Variants in SQSTM1 observed in about 807,000 individuals in gnomAD.
SQSTM1 encodes sequestosome-1.
In SQSTM1, 36 loss-of-function variants were observed where a neutral mutation model predicts 45.1. The observed-to-expected ratio is 0.80, with a 90% CI of 0.61 to 1.05. The LOEUF is 1.05. SQSTM1 is among the 50% of genes least tolerant of loss of function. The pLI is 0.00. For missense variants in SQSTM1, 617 were observed against 607.1 expected (o/e 1.02, Z -0.17); for synonymous variants, 290 against 244.3 (o/e 1.19, Z -1.74).
In SQSTM1 at chr5:179,806,562, A is replaced by G; in HGVS notation, c.-186A>G. 7.6e-7 allele frequency: 1 copy of G among 1,308,046 alleles called. No homozygotes were observed. The highest frequency in any genetic ancestry group is 1.0e-6 in the Non-Finnish European group (1 of 1,001,590). The allele number at this position is 1,308,046 out of a possible 1,614,324, so 81.0% of individuals were successfully genotyped here. A position where few individuals can be genotyped will look rare whatever the true frequency, so the allele number is the denominator to read the frequency against. Reference sequence around the variant, plus strand: ...AGGCAGAAGAGCAGCAGCGTCAGGAAGGTGCCATTGCGGAGCCTCATCTCC... The same window carrying G: ...AGGCAGAAGAGCAGCAGCGTCAGGAGGGTGCCATTGCGGAGCCTCATCTCC... On this transcript the variant is annotated 5_prime_UTR_variant, in exon 1 of 6. Transcript: ENST00000514093. This position sits in a 1 kb window ranked among gnomAD's most constrained non-coding sequence, Gnocchi z 4.6.
intron 2 of SQSTM1, 160 bp from the exon 3 acceptor site, chr5:179,823,698 G>A: frequency 2.8e-6 from 2 of 718,758 alleles, no homozygotes; most frequent in Non-Finnish European, 4.6e-6. Context: ...CAGGTTCTTG[G>A]TGGCTCTGCT....
chr5:179,838,049 G>A lies in SQSTM1; in HGVS notation c.*1456G>A. The A allele has an allele frequency of 4.7e-6, 3 of 638,606 alleles. No homozygotes were observed. Among genetic ancestry groups the A allele is most frequent in the Non-Finnish European group, 5.4e-6 (2 of 372,764 alleles). The allele number at this position is 638,606 out of a possible 1,614,324, so 39.6% of individuals were successfully genotyped here. A position where few individuals can be genotyped will look rare whatever the true frequency, so the allele number is the denominator to read the frequency against. ...TGATTTTGAGGGTTAGCAAGACAAA[G>A]CAAATAAATGCCTTCCACCTCACCG... On this transcript the variant is annotated 3_prime_UTR_variant, in exon 8 of 8. Coordinates refer to ENST00000389805, the MANE Select transcript of SQSTM1 (RefSeq NM_003900.5).
chr5:179,836,100 A>G (rs1758540647), intron 7 of SQSTM1: 1 of 437,884 alleles, frequency 2.3e-6, no homozygotes, highest in Non-Finnish European at 4.2e-6. Context: ...CATCTCTTGC[A>G]TGGAGGAGTG....
intron 7 of SQSTM1, chr5:179,835,777 C>T (rs961148335): frequency 6.2e-6 from 1 of 161,874 alleles, no homozygotes; most frequent in African/African-American, 2.4e-5. Context: ...GGTATCCATT[C>T]CTGAATTACT....
intron 1 of SQSTM1, among the ~76,000 whole-genome samples, chr5:179,809,680 C>T (rs1211533462): frequency 1.5e-5 from 2 of 131,974 alleles, no homozygotes; most frequent in African/African-American, 5.8e-5. Context: ...GTCTTGCTCC[C>T]TGGCCCAGGC....
upstream of SQSTM1, among the ~76,000 whole-genome samples, chr5:179,816,299 C>T (rs1407734217): frequency 6.6e-6 from 1 of 152,188 alleles, no homozygotes; most frequent in African/African-American, 2.4e-5. Flanking sequence ...CAGGCACCTG[C>T]CGCCACGCCC....
At chr5:179,827,130 T>A (rs1758027052) in intron 5 of SQSTM1, among the ~76,000 whole-genome samples, 1 of 152,136 alleles carries the variant, frequency 6.6e-6, no homozygotes, top group Non-Finnish European at 1.5e-5. Context: ...TCCCCAGACC[T>A]TACCTTTTTT....
chr5:179,825,932 G>T (rs1316303252), intron 5 of SQSTM1, among the ~76,000 whole-genome samples: 1 of 152,216 alleles, frequency 6.6e-6, no homozygotes, highest in Non-Finnish European at 1.5e-5. Flanking sequence ...CCAACTTCTA[G>T]TTCAAGATGA....
In SQSTM1 at chr5:179,836,980, A is replaced by G. The variant is rs188873621; in HGVS notation, c.*387A>G. On this transcript the variant is annotated 3_prime_UTR_variant, in exon 8 of 8. Coordinates refer to ENST00000389805, the MANE Select transcript of SQSTM1 (RefSeq NM_003900.5). ...GACATTTAGTTGATTATTTTCTGCT[A>G]CAGACCTGGTACACTCTGATTTTAG... is the stretch of plus-strand genomic sequence containing the variant. 65 of 608,780 alleles carry G rather than the reference A, an allele frequency of 1.1e-4. 1 individual carries two copies. The East Asian group carries it at 1.5e-3, about 14-fold the overall frequency. The allele number at this position is 608,780 out of a possible 1,614,324, so 37.7% of individuals were successfully genotyped here.
At chr5:179,836,288 T>C (rs1211492935) in intron 7 of SQSTM1, 148 bp from the exon 8 acceptor site, 9 of 1,015,656 alleles carry the variant, frequency 8.9e-6, no homozygotes, top group Non-Finnish European at 1.4e-5. Flanking sequence ...GGAAAGCAGG[T>C]CCACTGTGGC....
Position 179,806,616 on chromosome 5 carries a change from C to G in SQSTM1, c.-157+25C>G. ...GGTGCGCGGCGGGCGCCCGCGGGGC[C>G]GAGGCTGCATGGCCCGGGGGACCGG... On this transcript the variant is annotated intron_variant, in intron 1 of 5. Coordinates refer to the SQSTM1 transcript ENST00000514093. The surrounding 1 kb of genome is among the most constrained non-coding windows in gnomAD (Gnocchi z 4.6). The G allele has an allele frequency of 1.7e-6, 2 of 1,181,300 alleles. No individual in the cohort carries two copies. The highest frequency in any genetic ancestry group is 6.5e-5 in the East Asian group (1 of 15,476). 73.2% of individuals were successfully genotyped at this position (1,181,300 alleles called of 1,614,324 possible).
At position 179,837,572 on chromosome 5, in the gene SQSTM1, T is replaced by C. The variant is rs1429922141; in HGVS notation, c.*979T>C. Reference sequence around the variant, plus strand: ...GACGGGGTGTGTGGCCCGAGGAAGCTGGACAGCGGCAGTGGGCCTGCTGAG... The same window carrying C: ...GACGGGGTGTGTGGCCCGAGGAAGCCGGACAGCGGCAGTGGGCCTGCTGAG... On this transcript the variant is annotated 3_prime_UTR_variant, in exon 8 of 8. Transcript: ENST00000389805. 2 of 1,614,242 alleles carry C rather than the reference T, an allele frequency of 1.2e-6. No homozygotes were observed. Among genetic ancestry groups the C allele is most frequent in the South Asian group, 1.1e-5 (1 of 91,084 alleles).
intron 7 of SQSTM1, among the ~76,000 whole-genome samples, chr5:179,834,889 A>G (rs1241775877): frequency 6.6e-6 from 1 of 152,202 alleles, no homozygotes; most frequent in African/African-American, 2.4e-5. Context: ...CGCCATTGTC[A>G]TCATGGCCCG....
chr5:179,829,165 T>G (rs79510271), intron 5 of SQSTM1, among the ~76,000 whole-genome samples: 2,636 of 152,284 alleles, frequency 0.017, 96 homozygotes, highest in African/African-American at 0.061. Context: ...CAGGGAAGCT[T>G]CAGCATGGGA....
chr5:179,836,695 C>T lies in SQSTM1; in HGVS notation c.*102C>T, dbSNP rs1190253593. 3.2e-6 allele frequency: 5 copies of T among 1,567,058 alleles called. No homozygotes were observed. Among genetic ancestry groups the T allele is most frequent in the Admixed American group, 1.7e-5 (1 of 59,944 alleles). On this transcript the variant is annotated 3_prime_UTR_variant, in exon 8 of 8. Transcript: ENST00000389805. The stretch of plus-strand genomic sequence containing the variant: ...CTGTACGGGCCAGTTTCTCTGCCTT[C>T]TTCCAGGATCAGGGGTTAGGGTGCA...
chr5:179,833,041 T>C lies in SQSTM1; in HGVS notation c.764T>C (p.Val255Ala), dbSNP rs770910704. 6.2e-7 allele frequency: 1 copy of C among 1,614,154 alleles called. No homozygotes were observed. ...CCTCCTCCGCCTCTAGGCATTGAAG[T>C]TGATATCGATGTGGAGCACGGAGGG... The part of the protein sequence containing the change: ...AAALSPLGIE[V>A]DIDVEHGGKR... The change falls in exon 6 of 8, where the codon GTT becomes GCT. Residue 255 changes from valine to alanine, a missense_variant. Coordinates refer to ENST00000389805, the MANE Select transcript of SQSTM1 (RefSeq NM_003900.5).
rs372518286 is a variant in SQSTM1, at chr5:179,824,054, C to T, written c.498C>T (p.Leu166=). 3.1e-5 allele frequency: 50 copies of T among 1,613,988 alleles called. No individual in the cohort carries two copies. In the Middle Eastern group the frequency reaches 6.6e-4, roughly 21 times the overall value. Residue 166 remains leucine, a synonymous_variant, in exon 3 of 8, where the codon CTC becomes CTT. Transcript: ENST00000389805. ...GKGLHRGHTK[L]AFPSPFGHLS... Reference sequence around the variant, plus strand: ...GCTTGCACCGGGGGCACACCAAGCTCGCATTCCCCAGCCCCTTCGGGCACC... The same window carrying T: ...GCTTGCACCGGGGGCACACCAAGCTTGCATTCCCCAGCCCCTTCGGGCACC...
chr5:179,834,158 G>GA (rs1179053480), intron 7 of SQSTM1, among the ~76,000 whole-genome samples: 2 of 118,136 alleles, frequency 1.7e-5, no homozygotes, highest in Non-Finnish European at 3.2e-5. Flanking sequence ...GGTCTGAGAG[G>GA]GGGGGGGGTC....
intron 5 of SQSTM1, among the ~76,000 whole-genome samples, chr5:179,828,037 G>C (rs1758067451): frequency 1.3e-5 from 2 of 152,204 alleles, no homozygotes; most frequent in South Asian, 4.1e-4. Flanking sequence ...CCTGGTCGTG[G>C]GATCTTTGAT....
Sources: gnomAD v4.1 joint callset for allele counts (sites outside exome capture counted in the v4.1 genomes callset) on GRCh38, gnomAD v4.1.1 for gene constraint, Gnocchi (gnomAD v3.1) non-coding constraint, MANE v1.5 for transcripts, NCBI Gene and HGNC (gene_info 2026-07-23, HGNC 2026-07-21) for gene names.